Variants in OR51L1 observed in about 807,000 individuals in gnomAD.
OR51L1 encodes olfactory receptor family 51 subfamily L member 1.
A neutral mutation model predicts 1.4 loss-of-function variants in OR51L1; 1 was observed. The ratio of observed to expected loss-of-function variants is 0.72; its 90% CI spans 0.26 to 3.42. The LOEUF (loss-of-function observed/expected upper bound fraction) is 3.42, where lower values mean the gene tolerates loss of function less well. Among genes scored for constraint, OR51L1 ranks in the 30% most tolerant of loss-of-function variants. The pLI, the probability that OR51L1 is intolerant of heterozygous loss-of-function variation, is 0.20. For missense variants in OR51L1, 378 were observed against 380.0 expected, an observed-to-expected ratio of 0.99 and a Z score of 0.04; for synonymous variants, 156 against 144.2, an observed-to-expected ratio of 1.08 and a Z score of -0.59.
rs1440913659 is a variant in OR51L1, at chr11:5,001,932, T to A, written c.*2002T>A. The A allele has an allele frequency of 2.0e-5, 3 of 152,312 alleles. No individual in the cohort carries two copies. The highest frequency in any genetic ancestry group is 7.2e-5 in the African/African-American group (3 of 41,572). The allele number at this position is 152,312 out of a possible 1,614,324, so 9.4% of individuals were successfully genotyped here. A position where few individuals can be genotyped will look rare whatever the true frequency, so the allele number is the denominator to read the frequency against. On this transcript the variant is annotated 3_prime_UTR_variant, in exon 3 of 3. Coordinates refer to ENST00000641819, the MANE Select transcript of OR51L1 (RefSeq NM_001004755.2). ...TAGTGAAGATACATAGATAAAAGGT[T>A]AGTAAAATTAAGTGTAATCAATGGT...
chr11:4,999,575 G>C lies in OR51L1; in HGVS notation c.593G>C (p.Ser198Thr), dbSNP rs913351381. ...RLSCTDARTNSIYGLCVVIAT... is the reference protein window; with the variant it reads ...RLSCTDARTNTIYGLCVVIAT... ...TCCTGTACAGATGCCAGGACCAACA[G>C]TATTTATGGGCTTTGTGTAGTCATT... Residue 198 changes from serine to threonine, a missense_variant, in exon 3 of 3, where the codon AGT becomes ACT. Coordinates refer to ENST00000641819, the MANE Select transcript of OR51L1 (RefSeq NM_001004755.2). 4 of 1,613,882 alleles carry C rather than the reference G, an allele frequency of 2.5e-6. No individual in the cohort carries two copies. In the African/African-American group the frequency reaches 5.3e-5, roughly 22 times the overall value.
chr11:4,998,859 G>A lies in OR51L1; in HGVS notation c.-124G>A. 1 of 1,055,770 alleles carries A rather than the reference G, an allele frequency of 9.5e-7. No individual in the cohort carries two copies. Among genetic ancestry groups the A allele is most frequent in the Non-Finnish European group, 1.4e-6 (1 of 728,226 alleles). 65.4% of individuals were successfully genotyped at this position (1,055,770 alleles called of 1,614,324 possible). A position where few individuals can be genotyped will look rare whatever the true frequency, so the allele number is the denominator to read the frequency against. ...AGATACCAGCTTCCTTCCTCTGTGA[G>A]GTTAGACGAAAGATGTATTTTTGTC... On this transcript the variant is annotated 5_prime_UTR_variant, in exon 3 of 3. Transcript: ENST00000641819.
intron 2 of OR51L1, 95 bp downstream of exon 2, chr11:4,997,678 T>G (rs1345994689): frequency 6.6e-6 from 1 of 152,162 alleles, no homozygotes; most frequent in African/African-American, 2.4e-5. Context: ...CTCATAATGC[T>G]CAGCTGCTGT....
intron 1 of OR51L1, among the ~76,000 whole-genome samples, chr11:4,996,628 A>G (rs1847070866): frequency 6.6e-6 from 1 of 152,078 alleles, no homozygotes; most frequent in South Asian, 2.1e-4. Flanking sequence ...GGGGTAAAAT[A>G]AACTACTTCT....
Position 4,994,940 on chromosome 11 carries a change from A to C in OR51L1, c.-657A>C, listed in dbSNP as rs543362427. 6 of 152,294 alleles carry C rather than the reference A, an allele frequency of 3.9e-5. No individual in the cohort carries two copies. Among genetic ancestry groups the C allele is most frequent in the Admixed American group, 3.3e-4 (5 of 15,276 alleles). The allele number at this position is 152,294 out of a possible 1,614,324, so 9.4% of individuals were successfully genotyped here. On this transcript the variant is annotated 5_prime_UTR_variant, in exon 1 of 3. Transcript: ENST00000641819. Reference sequence around the variant, plus strand: ...GGTTTGATTTTCAGGTAGAGATGGGAAGTTTTCTCAGGTGAGAGATAAGCC... The same window carrying C: ...GGTTTGATTTTCAGGTAGAGATGGGCAGTTTTCTCAGGTGAGAGATAAGCC...
chr11:4,995,663 A>G (rs1340077547), intron 1 of OR51L1, among the ~76,000 whole-genome samples: 2 of 152,086 alleles, frequency 1.3e-5, no homozygotes, highest in Non-Finnish European at 2.9e-5. Context: ...ACATAAGCCT[A>G]TTCATGCCTC....
chr11:5,000,025 A>C lies in OR51L1; in HGVS notation c.*95A>C. On this transcript the variant is annotated 3_prime_UTR_variant, in exon 3 of 3. Coordinates refer to ENST00000641819, the MANE Select transcript of OR51L1 (RefSeq NM_001004755.2). The stretch of plus-strand genomic sequence containing the variant: ...TATCTGGGTGTTGCTCATCTGGTTA[A>C]AATCCTAATTCTTTCACTTCTTATA... 1.6e-6 allele frequency: 2 copies of C among 1,222,832 alleles called. No homozygotes were observed. The highest frequency in any genetic ancestry group is 2.2e-6 in the Non-Finnish European group (2 of 901,724). The allele number at this position is 1,222,832 out of a possible 1,614,324, so 75.7% of individuals were successfully genotyped here.
At chr11:4,996,241 CGT>C (rs200172664) in intron 1 of OR51L1, among the ~76,000 whole-genome samples, 3,191 of 152,062 alleles carry the variant, frequency 0.021, 46 homozygotes, top group Non-Finnish European at 0.031. Context: ...TACACATGCA[CGT>C]GTGTGCATGC....
At position 5,004,288 on chromosome 11, in the gene OR51L1, A is replaced by G. The variant is rs1204222597; in HGVS notation, c.*4358A>G. The G allele has an allele frequency of 6.6e-6, 1 of 152,148 alleles. No homozygotes were observed. The highest frequency in any genetic ancestry group is 2.4e-5 in the African/African-American group (1 of 41,424). The allele number at this position is 152,148 out of a possible 1,614,324, so 9.4% of individuals were successfully genotyped here. On this transcript the variant is annotated 3_prime_UTR_variant, in exon 3 of 3. Coordinates refer to ENST00000641819, the MANE Select transcript of OR51L1 (RefSeq NM_001004755.2). ...TGAGAGACTAAGATTCCTTTTCAGG[A>G]CTGAGTAGTAGGAAGCACCAGGTGA...
rs556748729 is a variant in OR51L1 at position 5,000,632 on chromosome 11, G to A, written c.*702G>A. ...GCAAAATCATATAACAAGAATGAAGGTGGTAAGAAGAATGTTACTATTCCA... is the reference window on the plus strand; with the variant it reads ...GCAAAATCATATAACAAGAATGAAGATGGTAAGAAGAATGTTACTATTCCA... On this transcript the variant is annotated 3_prime_UTR_variant, in exon 3 of 3. Transcript: ENST00000641819. 1 of 152,078 alleles carries A rather than the reference G, an allele frequency of 6.6e-6. No homozygotes were observed. The highest frequency in any genetic ancestry group is 6.5e-5 in the Admixed American group (1 of 15,290). The allele number at this position is 152,078 out of a possible 1,614,324, so 9.4% of individuals were successfully genotyped here.
intron 1 of OR51L1, among the ~76,000 whole-genome samples, chr11:4,995,867 G>A (rs1257660552): frequency 6.6e-6 from 1 of 152,092 alleles, no homozygotes; most frequent in African/African-American, 2.4e-5. Context: ...AGACATGACA[G>A]ATATGGCAGT....
chr11:4,998,075 C>T (rs928352115), intron 2 of OR51L1, among the ~76,000 whole-genome samples: 5 of 151,916 alleles, frequency 3.3e-5, no homozygotes, highest in African/African-American at 1.2e-4. Flanking sequence ...CTGTTAAATG[C>T]ATTGTTCTCA....
rs1292246900 is a variant in OR51L1 at position 5,003,426 on chromosome 11, C to G, written c.*3496C>G. 3 of 152,040 alleles carry G rather than the reference C, an allele frequency of 2.0e-5. No homozygotes were observed. The highest frequency in any genetic ancestry group is 4.4e-5 in the Non-Finnish European group (3 of 68,024). 9.4% of individuals were successfully genotyped at this position (152,040 alleles called of 1,614,324 possible). On this transcript the variant is annotated 3_prime_UTR_variant, in exon 3 of 3. Coordinates refer to ENST00000641819, the MANE Select transcript of OR51L1 (RefSeq NM_001004755.2). ...ATGCACATGTCTAGAAAGTTACTTCCTTTTGGCATCTGCATTCTATTAGCA... is the reference window on the plus strand; with the variant it reads ...ATGCACATGTCTAGAAAGTTACTTCGTTTTGGCATCTGCATTCTATTAGCA...
Position 5,004,204 on chromosome 11 carries a change from G to C in OR51L1, c.*4274G>C, listed in dbSNP as rs986984854. ...TCTTAGCATCCTGGATGCCAGAAAA[G>C]GTCATTACATTGCATGTGTTTAGAA... On this transcript the variant is annotated 3_prime_UTR_variant, in exon 3 of 3. Transcript: ENST00000641819. The C allele has an allele frequency of 4.6e-5, 7 of 152,158 alleles. No homozygotes were observed. Among genetic ancestry groups the C allele is most frequent in the African/African-American group, 7.2e-5 (3 of 41,434 alleles). The allele number at this position is 152,158 out of a possible 1,614,324, so 9.4% of individuals were successfully genotyped here.
rs1285627446 is a variant in OR51L1 at position 5,003,747 on chromosome 11, G to A, written c.*3817G>A. On this transcript the variant is annotated 3_prime_UTR_variant, in exon 3 of 3. Coordinates refer to ENST00000641819, the MANE Select transcript of OR51L1 (RefSeq NM_001004755.2). The stretch of plus-strand genomic sequence containing the variant: ...TTTCAAGCGGAAGATCAAACACAGT[G>A]TGTAAGCCTGGAGAACTAAAAATAA... 1 of 152,096 alleles carries A rather than the reference G, an allele frequency of 6.6e-6. No homozygotes were observed. Among genetic ancestry groups the A allele is most frequent in the Admixed American group, 6.5e-5 (1 of 15,272 alleles). 9.4% of individuals were successfully genotyped at this position (152,096 alleles called of 1,614,324 possible). A position where few individuals can be genotyped will look rare whatever the true frequency, so the allele number is the denominator to read the frequency against.
At chr11:4,995,465 A>G (rs929562554) in intron 1 of OR51L1, 130 bp downstream of exon 1, 12 of 152,130 alleles carry the variant, frequency 7.9e-5, no homozygotes, top group African/African-American at 2.7e-4. Context: ...AAAAAGAATT[A>G]TTCTCATCTG....
chr11:4,999,243 A>G lies in OR51L1; in HGVS notation c.261A>G (p.Leu87=). The G allele has an allele frequency of 6.2e-7, 1 of 1,614,098 alleles. No homozygotes were observed. The highest frequency in any genetic ancestry group is 8.5e-7 in the Non-Finnish European group (1 of 1,180,014). ...LSTLPTMLAV[L]WLDAPEIQAS... ...CACTTCCCACCATGCTTGCTGTGTT[A>G]TGGTTGGATGCTCCAGAGATCCAGG... The change falls in exon 3 of 3, where the codon TTA becomes TTG. Residue 87 remains leucine, a synonymous_variant. Coordinates refer to ENST00000641819, the MANE Select transcript of OR51L1 (RefSeq NM_001004755.2).
rs1370242749 is a variant in OR51L1 at position 5,001,846 on chromosome 11, A to C, written c.*1916A>C. On this transcript the variant is annotated 3_prime_UTR_variant, in exon 3 of 3. Transcript: ENST00000641819. ...AATAACTATTATAGTTATTGCTGTTAGTACTGTGGATATATAAACAGCAAA... is the reference window on the plus strand; with the variant it reads ...AATAACTATTATAGTTATTGCTGTTCGTACTGTGGATATATAAACAGCAAA... The C allele has an allele frequency of 6.6e-6, 1 of 152,234 alleles. No homozygotes were observed. Among genetic ancestry groups the C allele is most frequent in the Non-Finnish European group, 1.5e-5 (1 of 68,052 alleles). 9.4% of individuals were successfully genotyped at this position (152,234 alleles called of 1,614,324 possible).
rs1051840881 is a variant in OR51L1 at position 5,001,628 on chromosome 11, A to G, written c.*1698A>G. On this transcript the variant is annotated 3_prime_UTR_variant, in exon 3 of 3. Coordinates refer to ENST00000641819, the MANE Select transcript of OR51L1 (RefSeq NM_001004755.2). ...TTAATCAATTTATTTTTGATAACCC[A>G]TTACTTTTTTCTTTTTCACTAGAAT... 2 of 152,080 alleles carry G rather than the reference A, an allele frequency of 1.3e-5. No homozygotes were observed. Among genetic ancestry groups the G allele is most frequent in the Admixed American group, 6.5e-5 (1 of 15,278 alleles). The allele number at this position is 152,080 out of a possible 1,614,324, so 9.4% of individuals were successfully genotyped here. A position where few individuals can be genotyped will look rare whatever the true frequency, so the allele number is the denominator to read the frequency against.
Sources: gnomAD v4.1 joint callset for allele counts (sites outside exome capture counted in the v4.1 genomes callset) on GRCh38, gnomAD v4.1.1 for gene constraint, MANE v1.5 for transcripts, NCBI Gene and HGNC (gene_info 2026-07-23, HGNC 2026-07-21) for gene names.